The following DCAF8L2 variants were observed in gnomAD, a reference collection of about 807,000 sequenced individuals.
DCAF8L2 encodes DDB1- and CUL4-associated factor 8-like protein 2.
For synonymous variants in DCAF8L2, 200 were observed against 190.9 expected, an observed-to-expected ratio of 1.05 and a Z score of -0.39; for missense variants, 430 against 490.7, an observed-to-expected ratio of 0.88 and a Z score of 1.17.
the DCAF8L2 span, among the ~76,000 whole-genome samples, chrX:27,480,521 C>T: frequency 8.9e-6 from 1 of 111,908 alleles, no homozygotes; most frequent in Non-Finnish European, 1.9e-5. Context: ...TTTCTCTCTG[C>T]TTCAGGTGGG....
intron 1 of DCAF8L2, among the ~76,000 whole-genome samples, chrX:27,631,652 T>C (rs5971418): frequency 0.02 from 2,187 of 111,744 alleles, 50 homozygotes; most frequent in African/African-American, 0.066. Context: ...AAGAAAGGTA[T>C]CTTCCTCCCA....
chrX:27,690,305 T>G (rs968221313), intron 3 of DCAF8L2, among the ~76,000 whole-genome samples: 3 of 111,454 alleles, frequency 2.7e-5, no homozygotes, highest in African/African-American at 9.8e-5. Flanking sequence ...AATATTTATT[T>G]GGGTTGCAAC....
chrX:27,484,046 A>G, the DCAF8L2 span, among the ~76,000 whole-genome samples: 1 of 111,854 alleles, frequency 8.9e-6, no homozygotes, highest in Non-Finnish European at 1.9e-5. Flanking sequence ...ATCTAGGTGC[A>G]TTCTTTTAAA....
the DCAF8L2 span, among the ~76,000 whole-genome samples, chrX:27,519,912 A>C: frequency 1.8e-5 from 2 of 112,015 alleles, no homozygotes; most frequent in Non-Finnish European, 3.8e-5. Context: ...TGAAATATTA[A>C]ATTGGTAAAA....
At chrX:27,580,743 T>C in the DCAF8L2 span, among the ~76,000 whole-genome samples, 3 of 111,740 alleles carry the variant, frequency 2.7e-5, no homozygotes, top group African/African-American at 6.5e-5. Flanking sequence ...AATATAAATG[T>C]TAGAATAAAT....
chrX:27,503,445 A>C, the DCAF8L2 span, among the ~76,000 whole-genome samples: 1 of 111,473 alleles, frequency 9.0e-6, no homozygotes, highest in Non-Finnish European at 1.9e-5. Flanking sequence ...GTGTATTTAC[A>C]TCTGTGATGC....
intron 3 of DCAF8L2, among the ~76,000 whole-genome samples, chrX:27,696,635 G>T (rs1294327228): frequency 8.9e-6 from 1 of 112,012 alleles, no homozygotes; most frequent in Non-Finnish European, 1.9e-5. Flanking sequence ...GCATATAAAC[G>T]TGAAGAAGTT....
In DCAF8L2 at chrX:27,674,646, A is replaced by G. The variant is rs748861064; in HGVS notation, c.-219-3190A>G. Among the ~76,000 whole-genome samples, 7 of 111,590 alleles carry G rather than the reference A, an allele frequency of 6.3e-5. No homozygotes were observed. In the East Asian group the frequency reaches 1.4e-3, roughly 23 times the overall value. ...TTTCCCTTACTGTTCATCTCTCCCA[A>G]TGCTTTGACATTGGCAGGGGTTCAG... On this transcript the variant is annotated intron_variant, in intron 2 of 4. Coordinates refer to ENST00000451261, the MANE Select transcript of DCAF8L2 (RefSeq NM_001353450.2).
chrX:27,676,178 C>T (rs1449461964), intron 2 of DCAF8L2, among the ~76,000 whole-genome samples: 1 of 111,224 alleles, frequency 9.0e-6, no homozygotes, highest in East Asian at 2.8e-4. Context: ...TACTCTGTAT[C>T]TCTTTGTAGG....
intron 3 of DCAF8L2, among the ~76,000 whole-genome samples, chrX:27,693,988 A>G (rs969224512): frequency 8.9e-6 from 1 of 112,242 alleles, no homozygotes; most frequent in Non-Finnish European, 1.9e-5. Context: ...GATTGGATAA[A>G]GAAAATGTGG....
chrX:27,561,846 C>T, the DCAF8L2 span, among the ~76,000 whole-genome samples: 3 of 111,452 alleles, frequency 2.7e-5, no homozygotes, highest in Non-Finnish European at 5.6e-5. Context: ...GTTGATTCTA[C>T]TTTTGGTTAT....
the DCAF8L2 span, among the ~76,000 whole-genome samples, chrX:27,497,525 C>CTTCT: frequency 1.4e-5 from 1 of 72,580 alleles, no homozygotes; most frequent in Non-Finnish European, 2.3e-5. Context: ...TCCTTCCTTC[C>CTTCT]TTCCTTCCTT....
chrX:27,713,148 A>C (rs977627059), intron 3 of DCAF8L2, among the ~76,000 whole-genome samples: 16 of 111,802 alleles, frequency 1.4e-4, no homozygotes, highest in Admixed American at 1.0e-3. Flanking sequence ...GAAGGGAATA[A>C]TTTTATGTAA....
intron 3 of DCAF8L2, among the ~76,000 whole-genome samples, chrX:27,710,390 A>G (rs1455345162): frequency 2.7e-5 from 3 of 111,393 alleles, no homozygotes; most frequent in Admixed American, 9.6e-5. Context: ...TGTAACTTGT[A>G]TATTATCTAT....
At chrX:27,496,481 A>G in the DCAF8L2 span, among the ~76,000 whole-genome samples, 14 of 111,605 alleles carry the variant, frequency 1.3e-4, no homozygotes, top group African/African-American at 4.6e-4. Flanking sequence ...GAAAATTCTT[A>G]TACAGGGAAT....
chrX:27,480,192 A>AG, the DCAF8L2 span, among the ~76,000 whole-genome samples: 1 of 112,653 alleles, frequency 8.9e-6, no homozygotes, highest in African/African-American at 3.2e-5. Flanking sequence ...GCAAGACATT[A>AG]GAGGTACAAC....
At chrX:27,544,848 G>T in the DCAF8L2 span, among the ~76,000 whole-genome samples, 2 of 111,637 alleles carry the variant, frequency 1.8e-5, no homozygotes, top group Admixed American at 1.9e-4. Context: ...TCAGGACCAG[G>T]AAATCAGAGA....
chrX:27,503,961 C>T, the DCAF8L2 span, among the ~76,000 whole-genome samples: 1 of 112,018 alleles, frequency 8.9e-6, no homozygotes, highest in Non-Finnish European at 1.9e-5. Context: ...AATATGATGA[C>T]ATTCTCTTCT....
At chrX:27,517,139 T>A in the DCAF8L2 span, among the ~76,000 whole-genome samples, 1 of 111,688 alleles carries the variant, frequency 9.0e-6, no homozygotes, top group Non-Finnish European at 1.9e-5. Flanking sequence ...GTAATTAAAT[T>A]TGGATTAAAA....
Sources: gnomAD v4.1 joint callset for allele counts (sites outside exome capture counted in the v4.1 genomes callset) on GRCh38, gnomAD v4.1.1 for gene constraint, MANE v1.5 for transcripts, NCBI Gene and HGNC (gene_info 2026-07-23, HGNC 2026-07-21) for gene names.